RSPH4A: variants seen among roughly 807,000 people sequenced by gnomAD.
RSPH4A encodes radial spoke head protein 4 homolog A.
A neutral mutation model predicts 71.0 loss-of-function variants in RSPH4A; 47 were observed. The ratio of observed to expected loss-of-function variants is 0.66; its 90% CI spans 0.52 to 0.84. The LOEUF (loss-of-function observed/expected upper bound fraction) is 0.84, where lower values mean the gene tolerates loss of function less well. RSPH4A is among the 40% of genes least tolerant of loss of function. The pLI is 0.00. For synonymous variants in RSPH4A, 282 were observed against 302.3 expected (o/e 0.93, Z 0.70); for missense variants, 793 against 855.2 (o/e 0.93, Z 0.91).
intron 5 of RSPH4A, 145 bp from the exon 6 acceptor site, chr6:116,632,062 A>C: frequency 1.6e-6 from 1 of 613,750 alleles, no homozygotes; most frequent in South Asian, 2.0e-5. Flanking sequence ...TCATTGAGGA[A>C]TATTTCACTT....
At chr6:116,627,393 G>C (rs1248384455) in intron 2 of RSPH4A, among the ~76,000 whole-genome samples, 2 of 152,038 alleles carry the variant, frequency 1.3e-5, no homozygotes, top group Non-Finnish European at 2.9e-5. Context: ...AGAGACGGGG[G>C]TCTCACCATG....
Position 116,622,775 on chromosome 6 carries a change from C to A in RSPH4A, c.694C>A (p.His232Asn), listed in dbSNP as rs373136924. ...TTTTCTCTGTTTGGATAGATATGAT[C>A]ATCTTTCTAATATGTTGACCAAGAT... ...SSNSGFNLYD[H>N]LSNMLTKILN... Residue 232 changes from histidine (H) to asparagine (N), a missense_variant, in exon 2 of 6, where the codon CAT (histidine) becomes AAT (asparagine). Coordinates refer to ENST00000229554, the MANE Select transcript of RSPH4A (RefSeq NM_001010892.3). 6 of 1,585,060 alleles carry A rather than the reference C, an allele frequency of 3.8e-6. No homozygotes were observed. Among genetic ancestry groups the A allele is most frequent in the Non-Finnish European group, 5.2e-6 (6 of 1,154,070 alleles).
At chr6:116,625,879 T>A (rs542456115) in intron 2 of RSPH4A, among the ~76,000 whole-genome samples, 1 of 152,280 alleles carries the variant, frequency 6.6e-6, no homozygotes, top group African/African-American at 2.4e-5. Flanking sequence ...CAAGTGAAAT[T>A]TCTCAGAAGT....
rs545486771 is a variant in RSPH4A at position 116,617,036 on chromosome 6, C to A, written c.413C>A (p.Thr138Asn). ...LEQSSDKRES[T>N]PHHTSQSEGN... ...CAATCATCTGATAAAAGAGAATCAA[C>A]TCCTCATCACACAAGCCAGTCAGAA... is the stretch of plus-strand genomic sequence containing the variant. The change falls in exon 1 of 6, where the codon ACT becomes AAT. Residue 138 changes from threonine to asparagine, a missense_variant. Coordinates refer to ENST00000229554, the MANE Select transcript of RSPH4A (RefSeq NM_001010892.3). 3.8e-5 allele frequency: 61 copies of A among 1,614,218 alleles called. No individual in the cohort carries two copies. Among genetic ancestry groups the A allele is most frequent in the Admixed American group, 6.7e-5 (4 of 60,026 alleles).
intron 3 of RSPH4A, among the ~76,000 whole-genome samples, chr6:116,628,958 G>C (rs1011162325): frequency 6.6e-6 from 1 of 152,126 alleles, no homozygotes; most frequent in Non-Finnish European, 1.5e-5. Context: ...TGAGGAAATT[G>C]AAAGAGAGTT....
chr6:116,624,025 CATCTGCTGAACGTAT>C (rs1244939367), intron 2 of RSPH4A, among the ~76,000 whole-genome samples: 1 of 152,168 alleles, frequency 6.6e-6, no homozygotes. Flanking sequence ...AATTTGTTCA[CATCTGCTGAACGTAT>C]ATTCAGTACC....
rs1775738983 is a variant in RSPH4A at position 116,628,463 on chromosome 6, T to C, written c.1662+94T>C. ...CACAAAGACATACAAAATAAAGGCC[T>C]TTGGACTCTATTTAATAGGCAGGAA... On this transcript the variant is annotated intron_variant, in intron 3 of 5. Coordinates refer to ENST00000229554, the MANE Select transcript of RSPH4A (RefSeq NM_001010892.3). The C allele has an allele frequency of 6.0e-6, 6 of 995,730 alleles. No individual in the cohort carries two copies. In the South Asian group the frequency reaches 8.3e-5, roughly 14 times the overall value. 61.7% of individuals were successfully genotyped at this position (995,730 alleles called of 1,614,324 possible). A position where few individuals can be genotyped will look rare whatever the true frequency, so the allele number is the denominator to read the frequency against.
chr6:116,618,560 C>T (rs1562388487), intron 1 of RSPH4A, among the ~76,000 whole-genome samples: 1 of 152,232 alleles, frequency 6.6e-6, no homozygotes, highest in Non-Finnish European at 1.5e-5. Flanking sequence ...GTCGCCCAGG[C>T]TGGAGTGTAG....
In RSPH4A at chr6:116,627,804, A is replaced by G. The variant is rs780544760; in HGVS notation, c.1097A>G (p.Tyr366Cys). The stretch of plus-strand genomic sequence containing the variant: ...AAGATCTTGGGTCTGGAAATGAATT[A>G]TATTGTAGCTGAAGTGGAATTTCGT... ...WGKILGLEMNYIVAEVEFREG... is the reference protein window; with the variant it reads ...WGKILGLEMNCIVAEVEFREG... Residue 366 changes from tyrosine to cysteine, a missense_variant, in exon 3 of 6, where the codon TAT becomes TGT. Physicochemically the swap from Tyr to Cys is radical, Grantham distance 194. Coordinates refer to ENST00000229554, the MANE Select transcript of RSPH4A (RefSeq NM_001010892.3). The G allele has an allele frequency of 6.2e-7, 1 of 1,614,154 alleles. No homozygotes were observed. The highest frequency in any genetic ancestry group is 1.1e-5 in the South Asian group (1 of 91,082).
intron 5 of RSPH4A, 34 bp from the exon 6 acceptor site, chr6:116,632,173 G>C (rs1458147482): frequency 6.8e-7 from 1 of 1,480,148 alleles, no homozygotes. Context: ...ATTATATAAT[G>C]ATCTTTTTTT....
chr6:116,631,852 C>T (rs901384736), intron 5 of RSPH4A, among the ~76,000 whole-genome samples: 1 of 152,138 alleles, frequency 6.6e-6, no homozygotes, highest in African/African-American at 2.4e-5. Flanking sequence ...GGAGTTTGCA[C>T]AGTTAGCTAT....
rs780773871 is a variant in RSPH4A at position 116,627,957 on chromosome 6, T to A, written c.1250T>A (p.Ile417Lys). ...PKSFYKAPQA[I>K]PKEESRTGAN... ...TCCTTTTACAAGGCCCCACAGGCTA[T>A]ACCAAAAGAAGAAAGTAGAACAGGT... The change falls in exon 3 of 6, where the codon ATA becomes AAA. Residue 417 changes from isoleucine (I) to lysine (K), a missense_variant. Ile to Lys is a moderately radical substitution (Grantham distance 102). Transcript: ENST00000229554. The A allele has an allele frequency of 2.5e-5, 41 of 1,614,198 alleles. No homozygotes were observed. The highest frequency in any genetic ancestry group is 3.3e-5 in the Non-Finnish European group (39 of 1,180,034).
rs774482835 is a variant in RSPH4A at position 116,628,255 on chromosome 6, A to T, written c.1548A>T (p.Ala516=). The T allele has an allele frequency of 1.9e-6, 3 of 1,612,172 alleles. No individual in the cohort carries two copies. In the Admixed American group the frequency reaches 5.0e-5, roughly 27 times the overall value. The change falls in exon 3 of 6, where the codon GCA becomes GCT. Residue 516 remains alanine (A), a synonymous_variant. Coordinates refer to ENST00000229554, the MANE Select transcript of RSPH4A (RefSeq NM_001010892.3). ...GEEEGEEEEE[A]EGGRNSFEEN... is the part of the protein sequence containing the mutation. ...AGGAAGGAGAGGAGGAGGAAGAGGC[A>T]GAAGGTGGGCGAAATAGCTTTGAGG...
Position 116,616,530 on chromosome 6 carries a change from T to C in RSPH4A, c.-94T>C. The C allele has an allele frequency of 8.8e-7, 1 of 1,132,070 alleles. No homozygotes were observed. 70.1% of individuals were successfully genotyped at this position (1,132,070 alleles called of 1,614,324 possible). A position where few individuals can be genotyped will look rare whatever the true frequency, so the allele number is the denominator to read the frequency against. On this transcript the variant is annotated 5_prime_UTR_variant, in exon 1 of 6. An upstream open reading frame in the 5' UTR loses its in-frame stop. Transcript: ENST00000229554. Reference sequence around the variant, plus strand: ...GAGCAACCAGGACCCAGAAATCGCTTAAGAGACCGCGGCAAAGTAACTTAA... The same window carrying C: ...GAGCAACCAGGACCCAGAAATCGCTCAAGAGACCGCGGCAAAGTAACTTAA...
rs1348281806 is a variant in RSPH4A at position 116,622,824 on chromosome 6, C to G, written c.743C>G (p.Ala248Gly). The change falls in exon 2 of 6, where the codon GCT (alanine) becomes GGT (glycine). Residue 248 changes from alanine (A) to glycine (G), a missense_variant. By Grantham distance (60) the Ala-to-Gly change is moderately conservative. Transcript: ENST00000229554. ...TKILNERPEN[A>G]VDIFENISQD... ...ATATTAAATGAGCGTCCTGAAAATG[C>G]TGTTGACATCTTTGAAAATATTAGC... 3.7e-6 allele frequency: 6 copies of G among 1,613,074 alleles called. No individual in the cohort carries two copies. The highest frequency in any genetic ancestry group is 5.1e-6 in the Non-Finnish European group (6 of 1,179,276).
chr6:116,616,952 C>CG lies in RSPH4A; in HGVS notation c.331dup (p.Asp111GlyfsTer9). On this transcript the variant is annotated frameshift_variant, in exon 1 of 6. Transcript: ENST00000229554. LOFTEE classifies it high-confidence loss of function. ...CAAGACCTCGCGGCACCACCTCAGT[C>CG]GGACAGGACCACGAGTGTGATTCCT... 6.2e-7 allele frequency: 1 copy of CG among 1,614,182 alleles called. No individual in the cohort carries two copies. Among genetic ancestry groups the CG allele is most frequent in the Non-Finnish European group, 8.5e-7 (1 of 1,180,028 alleles).
intron 2 of RSPH4A, among the ~76,000 whole-genome samples, chr6:116,624,179 A>G (rs893715178): frequency 5.3e-5 from 8 of 152,236 alleles, no homozygotes; most frequent in Non-Finnish European, 1.0e-4. Context: ...TAAGCAGCCT[A>G]TGAGGAGAGA....
intron 1 of RSPH4A, among the ~76,000 whole-genome samples, chr6:116,618,113 A>C (rs1775540953): frequency 1.3e-5 from 2 of 152,208 alleles, no homozygotes; most frequent in South Asian, 2.1e-4. Flanking sequence ...TCAAGATTCC[A>C]GTGGCTAACA....
chr6:116,628,032 T>C lies in RSPH4A; in HGVS notation c.1325T>C (p.Val442Ala). 2 of 1,614,092 alleles carry C rather than the reference T, an allele frequency of 1.2e-6. No individual in the cohort carries two copies. ...FVCNEPGRPW[V>A]KLPPVIPAQI... ...TGCAATGAACCAGGAAGACCATGGG[T>C]GAAGTTACCACCAGTTATACCTGCA... is the stretch of plus-strand genomic sequence containing the variant. Residue 442 changes from valine to alanine, a missense_variant, in exon 3 of 6, where the codon GTG becomes GCG. Coordinates refer to ENST00000229554, the MANE Select transcript of RSPH4A (RefSeq NM_001010892.3).
Sources: gnomAD v4.1 joint callset for allele counts (sites outside exome capture counted in the v4.1 genomes callset) on GRCh38, gnomAD v4.1.1 for gene constraint, MANE v1.5 for transcripts, NCBI Gene and HGNC (gene_info 2026-07-23, HGNC 2026-07-21) for gene names.